Variants in GALNTL6 observed in about 807,000 individuals in gnomAD.
GALNTL6 encodes the protein polypeptide N-acetylgalactosaminyltransferase-like 6.
In GALNTL6, 46 loss-of-function variants were observed where a neutral mutation model predicts 73.7. That is an observed-to-expected ratio of 0.62 (90% CI 0.49 to 0.80). The LOEUF is 0.80. Among genes scored for constraint, GALNTL6 ranks in the 30% least tolerant of loss-of-function variants. GALNTL6 has a pLI of 0.00. For synonymous variants in GALNTL6, 259 were observed against 263.7 expected (o/e 0.98, Z 0.17); for missense variants, 604 against 755.0 (o/e 0.80, Z 2.34).
At chr4:172,133,768 T>C (rs563960857) in intron 2 of GALNTL6, among the ~76,000 whole-genome samples, 22 of 152,148 alleles carry the variant, frequency 1.4e-4, no homozygotes, top group South Asian at 8.3e-4. Flanking sequence ...TGCAGAAGCA[T>C]GGAAAGGCAT....
intron 2 of GALNTL6, among the ~76,000 whole-genome samples, chr4:172,105,695 A>G (rs1188362884): frequency 6.6e-6 from 1 of 152,134 alleles, no homozygotes; most frequent in African/African-American, 2.4e-5. Flanking sequence ...TAATTCCTTT[A>G]AAGTGCTCAA....
chr4:172,984,030 C>T (rs1209642870), intron 10 of GALNTL6, among the ~76,000 whole-genome samples: 1 of 151,924 alleles, frequency 6.6e-6, no homozygotes. Flanking sequence ...AAGTATCAAG[C>T]TCCCATGTGT....
chr4:172,300,367 T>G (rs1400444793), intron 3 of GALNTL6, among the ~76,000 whole-genome samples: 2 of 152,186 alleles, frequency 1.3e-5, no homozygotes, highest in Non-Finnish European at 2.9e-5. Context: ...TTAGCCCATT[T>G]ACATTTAAGG....
chr4:172,585,691 A>G (rs1737383510), intron 5 of GALNTL6, among the ~76,000 whole-genome samples: 1 of 152,128 alleles, frequency 6.6e-6, no homozygotes, highest in Non-Finnish European at 1.5e-5. Context: ...AGTCTTTGCT[A>G]TTGTAAATAG....
chr4:171,966,152 T>C (rs1739375720), intron 2 of GALNTL6, among the ~76,000 whole-genome samples: 1 of 152,188 alleles, frequency 6.6e-6, no homozygotes, highest in Non-Finnish European at 1.5e-5. Flanking sequence ...TAGATTCCTA[T>C]ACTGTTAGTC....
At chr4:172,634,869 T>A (rs572816848) in intron 5 of GALNTL6, among the ~76,000 whole-genome samples, 1 of 152,206 alleles carries the variant, frequency 6.6e-6, no homozygotes, top group African/African-American at 2.4e-5. Flanking sequence ...TACAATGCAA[T>A]AACAGAGATA....
At chr4:172,924,062 G>A (rs1341395016) in intron 8 of GALNTL6, among the ~76,000 whole-genome samples, 2 of 152,084 alleles carry the variant, frequency 1.3e-5, no homozygotes, top group Non-Finnish European at 2.9e-5. Flanking sequence ...GCAGAAGCGG[G>A]AAAACTAGAC....
intron 4 of GALNTL6, among the ~76,000 whole-genome samples, chr4:172,317,080 G>A (rs977120963): frequency 1.3e-5 from 2 of 152,136 alleles, no homozygotes; most frequent in Non-Finnish European, 2.9e-5. Context: ...GTAGAGAAAA[G>A]AAGTCTCCTC....
At chr4:172,680,807 G>A (rs61504167) in intron 5 of GALNTL6, among the ~76,000 whole-genome samples, 2,826 of 152,298 alleles carry the variant, frequency 0.019, 82 homozygotes, top group African/African-American at 0.063. Context: ...TTTATGTCTA[G>A]CATGGATTGA....
At chr4:172,869,551 T>C (rs528696121) in intron 7 of GALNTL6, among the ~76,000 whole-genome samples, 14 of 152,306 alleles carry the variant, frequency 9.2e-5, no homozygotes, top group Middle Eastern at 3.4e-3. Context: ...CATCCCCACA[T>C]CCGTCTGGTT....
At chr4:172,594,595 C>G (rs1267869169) in intron 5 of GALNTL6, among the ~76,000 whole-genome samples, 1 of 152,036 alleles carries the variant, frequency 6.6e-6, no homozygotes, top group Non-Finnish European at 1.5e-5. Context: ...CATTTACTCT[C>G]GACATAAGTT....
intron 2 of GALNTL6, among the ~76,000 whole-genome samples, chr4:172,062,053 G>A (rs1458258735): frequency 2.7e-5 from 4 of 147,920 alleles, no homozygotes; most frequent in Admixed American, 6.9e-5. Context: ...AGGTTCAAAC[G>A]ATTCTCCTGC....
chr4:172,085,597 G>A (rs753442192), intron 2 of GALNTL6, among the ~76,000 whole-genome samples: 1 of 151,696 alleles, frequency 6.6e-6, no homozygotes, highest in Non-Finnish European at 1.5e-5. Flanking sequence ...AATAGCTACT[G>A]GTTTAAGGCA....
At position 172,884,387 on chromosome 4, in the gene GALNTL6, T is replaced by C. The variant is rs77060788; in HGVS notation, c.1041+1480T>C. On this transcript the variant is annotated intron_variant, in intron 8 of 12. Transcript: ENST00000506823. Reference sequence around the variant, plus strand: ...TGATAACTAAAGATGTTCAACATTTTTCATATACCTGTTGGCCATTTGTAT... The same window carrying C: ...TGATAACTAAAGATGTTCAACATTTCTCATATACCTGTTGGCCATTTGTAT... Among the ~76,000 whole-genome samples the C allele has an allele frequency of 5.7e-3, 867 of 152,344 alleles. 12 individuals are homozygous for C. The highest frequency in any genetic ancestry group is 0.02 in the African/African-American group (815 of 41,586).
intron 2 of GALNTL6, among the ~76,000 whole-genome samples, chr4:172,165,834 A>T (rs1267746018): frequency 6.6e-6 from 1 of 152,188 alleles, no homozygotes; most frequent in Non-Finnish European, 1.5e-5. Context: ...TCTTATTGCT[A>T]ATGAGCACAT....
intron 5 of GALNTL6, among the ~76,000 whole-genome samples, chr4:172,582,502 T>G (rs1021026226): frequency 6.6e-6 from 1 of 152,120 alleles, no homozygotes; most frequent in Non-Finnish European, 1.5e-5. Flanking sequence ...GATGTCAAAT[T>G]TACTGATGGG....
At chr4:172,837,485 A>G (rs1215454567) in intron 7 of GALNTL6, among the ~76,000 whole-genome samples, 4 of 152,236 alleles carry the variant, frequency 2.6e-5, no homozygotes, top group African/African-American at 9.6e-5. Flanking sequence ...ATAAGAGTCT[A>G]TAAATAGAAA....
chr4:172,579,239 C>A (rs772830852), intron 5 of GALNTL6, among the ~76,000 whole-genome samples: 1 of 152,146 alleles, frequency 6.6e-6, no homozygotes, highest in Non-Finnish European at 1.5e-5. Context: ...GCTTACTTTG[C>A]ACTAGGTAAT....
At chr4:172,397,015 C>A (rs1242236117) in intron 5 of GALNTL6, among the ~76,000 whole-genome samples, 3 of 151,956 alleles carry the variant, frequency 2.0e-5, no homozygotes, top group African/African-American at 7.3e-5. Flanking sequence ...CAATGACTAA[C>A]AAAACTAGAA....
Sources: gnomAD v4.1 joint callset for allele counts (sites outside exome capture counted in the v4.1 genomes callset) on GRCh38, gnomAD v4.1.1 for gene constraint, MANE v1.5 for transcripts, NCBI Gene and HGNC (gene_info 2026-07-23, HGNC 2026-07-21) for gene names.